The following EXT2 variants were observed in gnomAD, a reference collection of about 807,000 sequenced individuals.
EXT2 encodes the protein exostosin glycosyltransferase 2, also known as exostosin-2.
EXT2 carries 53 observed loss-of-function variants against 81.6 expected under a neutral mutation model. The ratio of observed to expected loss-of-function variants is 0.65; its 90% CI spans 0.52 to 0.82. The LOEUF (loss-of-function observed/expected upper bound fraction) is 0.82, where lower values mean the gene tolerates loss of function less well. Ranked by LOEUF, EXT2 falls within the 40% of genes least tolerant of loss-of-function variation. The probability of loss-of-function intolerance (pLI) is 0.00; values close to 1 mark genes in which losing one functional copy is unlikely to be tolerated. For synonymous variants in EXT2, 320 were observed against 340.0 expected, an observed-to-expected ratio of 0.94 and a Z score of 0.65; for missense variants, 774 against 910.2, an observed-to-expected ratio of 0.85 and a Z score of 1.93.
intron 5 of EXT2, among the ~76,000 whole-genome samples, 179 bp downstream of exon 5, chr11:44,125,163 C>A (rs994514042): frequency 6.6e-6 from 1 of 152,188 alleles, no homozygotes; most frequent in Non-Finnish European, 1.5e-5. Flanking sequence ...TGTCTGGTGT[C>A]TTGTGTTCGT....
chr11:44,182,640 C>T (rs1160759879), intron 8 of EXT2, among the ~76,000 whole-genome samples: 1 of 152,120 alleles, frequency 6.6e-6, no homozygotes, highest in Non-Finnish European at 1.5e-5. Context: ...TTGCTTTATT[C>T]CTTTTTCTCT....
At chr11:44,190,585 C>CA (rs1316804793) in intron 8 of EXT2, among the ~76,000 whole-genome samples, 3 of 152,142 alleles carry the variant, frequency 2.0e-5, no homozygotes, top group Non-Finnish European at 2.9e-5. Context: ...TACATAGTGA[C>CA]AAAAAATCTC....
chr11:44,188,737 G>T (rs1955351069), intron 8 of EXT2, among the ~76,000 whole-genome samples: 1 of 152,178 alleles, frequency 6.6e-6, no homozygotes, highest in Non-Finnish European at 1.5e-5. Context: ...CAATGAAATT[G>T]TTCAGAATGC....
intron 13 of EXT2, among the ~76,000 whole-genome samples, chr11:44,240,537 C>T (rs527644365): frequency 6.6e-6 from 1 of 152,298 alleles, no homozygotes; most frequent in African/African-American, 2.4e-5. Flanking sequence ...CCACTGCACT[C>T]CTGCCTGGGC....
chr11:44,165,080 G>A (rs1169824744), intron 7 of EXT2, among the ~76,000 whole-genome samples: 3 of 151,686 alleles, frequency 2.0e-5, no homozygotes, highest in Non-Finnish European at 2.9e-5. Flanking sequence ...GGGTTTCACC[G>A]TTTTAGCCGG....
chr11:44,236,698 C>A (rs1052847661), intron 13 of EXT2, among the ~76,000 whole-genome samples: 3 of 152,184 alleles, frequency 2.0e-5, no homozygotes, highest in Admixed American at 6.5e-5. Context: ...CAAGGAAATA[C>A]TGGATTATTT....
intron 13 of EXT2, among the ~76,000 whole-genome samples, chr11:44,237,227 A>G (rs2135269441): frequency 6.6e-6 from 1 of 152,124 alleles, no homozygotes; most frequent in East Asian, 1.9e-4. Flanking sequence ...TGCAGAATTC[A>G]TTTCTGAAAT....
intron 8 of EXT2, among the ~76,000 whole-genome samples, chr11:44,175,012 TC>T (rs1955138791): frequency 6.6e-6 from 1 of 152,218 alleles, no homozygotes; most frequent in South Asian, 2.1e-4. Context: ...TGGAGTGTTA[TC>T]TGTGAGAAAC....
At chr11:44,206,137 A>T (rs1955580194) in intron 9 of EXT2, among the ~76,000 whole-genome samples, 1 of 152,166 alleles carries the variant, frequency 6.6e-6, no homozygotes, top group African/African-American at 2.4e-5. Flanking sequence ...AGTTGAGGGG[A>T]GGGGATAAAG....
chr11:44,171,044 G>A (rs1340618182), intron 7 of EXT2, among the ~76,000 whole-genome samples: 2 of 152,190 alleles, frequency 1.3e-5, no homozygotes, highest in African/African-American at 4.8e-5. Context: ...GATATTATAA[G>A]TGTTGAGCAA....
chr11:44,117,801 T>C (rs1429563769), intron 4 of EXT2, among the ~76,000 whole-genome samples: 1 of 152,198 alleles, frequency 6.6e-6, no homozygotes, highest in Non-Finnish European at 1.5e-5. Context: ...TCTGTCACCC[T>C]GGAGTGCTGG....
At chr11:44,127,381 A>G (rs1456839951) in intron 6 of EXT2, among the ~76,000 whole-genome samples, 1 of 152,198 alleles carries the variant, frequency 6.6e-6, no homozygotes, top group Non-Finnish European at 1.5e-5. Flanking sequence ...AGTGAACATT[A>G]CCATCTGAGC....
chr11:44,115,594 AATAG>A (rs1369612878), intron 4 of EXT2, among the ~76,000 whole-genome samples: 1 of 152,228 alleles, frequency 6.6e-6, no homozygotes, highest in Non-Finnish European at 1.5e-5. Flanking sequence ...AGAGGTGACC[AATAG>A]ATAAATTTTG....
intron 10 of EXT2, among the ~76,000 whole-genome samples, chr11:44,208,198 A>AC (rs548125340): frequency 6.9e-6 from 1 of 145,392 alleles, no homozygotes; most frequent in African/African-American, 2.5e-5. Flanking sequence ...AAAAAGACTA[A>AC]TTTTTTTTTT....
At chr11:44,171,926 A>G (rs2135128686) in intron 8 of EXT2, 184 bp downstream of exon 8, 1 of 811,130 alleles carries the variant, frequency 1.2e-6, no homozygotes, top group Non-Finnish European at 2.0e-6. Flanking sequence ...AGTAAAAAAT[A>G]CGGAAGCAGC....
At chr11:44,124,203 C>A (rs1482634918) in intron 4 of EXT2, among the ~76,000 whole-genome samples, 1 of 152,130 alleles carries the variant, frequency 6.6e-6, no homozygotes, top group Non-Finnish European at 1.5e-5. Flanking sequence ...GTCTCCCTCC[C>A]ATTTATGTGG....
chr11:44,174,946 G>A (rs773735256), intron 8 of EXT2, among the ~76,000 whole-genome samples: 26 of 152,188 alleles, frequency 1.7e-4, no homozygotes, highest in African/African-American at 5.3e-4. Context: ...AGAGGCAGAG[G>A]ATGAAGCCTG....
In EXT2 at chr11:44,248,711, C is replaced by T. The variant is rs919187386; in HGVS notation, c.*4424C>T. Among the ~76,000 whole-genome samples, 3 of 152,186 alleles carry T rather than the reference C, an allele frequency of 2.0e-5. No homozygotes were observed. The highest frequency in any genetic ancestry group is 6.5e-5 in the Admixed American group (1 of 15,272). ...TCAAGCCACAGCCTCTTTTCCACCT[C>T]CATTAAATGGACTGTTAGGGATGCC... On this transcript the variant is annotated 3_prime_UTR_variant, in exon 14 of 14. Coordinates refer to ENST00000533608, the MANE Select transcript of EXT2 (RefSeq NM_207122.2).
intron 7 of EXT2, among the ~76,000 whole-genome samples, chr11:44,145,502 A>G (rs1051973624): frequency 6.6e-6 from 1 of 152,162 alleles, no homozygotes; most frequent in Admixed American, 6.6e-5. Flanking sequence ...GGGTATTTTC[A>G]TGAGTAGGAT....
Sources: allele counts gnomAD v4.1 joint callset (sites outside exome capture counted in the v4.1 genomes callset), GRCh38; gene constraint gnomAD v4.1.1; transcripts MANE v1.5; gene names NCBI Gene and HGNC (gene_info 2026-07-23, HGNC 2026-07-21).